NCKAP5: variants seen among roughly 807,000 people sequenced by gnomAD.
NCKAP5 encodes the protein NCK associated protein 5.
In NCKAP5, 92 loss-of-function variants were observed where a neutral mutation model predicts 167.0. The ratio of observed to expected loss-of-function variants is 0.55; its 90% CI spans 0.47 to 0.66. The LOEUF is 0.66. Ranked by LOEUF, NCKAP5 falls within the 30% of genes least tolerant of loss-of-function variation. NCKAP5 has a pLI of 0.00. For synonymous variants in NCKAP5, 891 were observed against 877.4 expected (o/e 1.02, Z -0.27); for missense variants, 2,378 against 2,315.0 (o/e 1.03, Z -0.56).
chr2:133,581,170 C>A, the NCKAP5 span, among the ~76,000 whole-genome samples: 1 of 152,172 alleles, frequency 6.6e-6, no homozygotes, highest in African/African-American at 2.4e-5. Flanking sequence ...CTGTTTCCAA[C>A]TCTACAATAT....
intron 6 of NCKAP5, among the ~76,000 whole-genome samples, chr2:133,072,076 C>A (rs970421565): frequency 3.6e-5 from 5 of 139,792 alleles, no homozygotes; most frequent in African/African-American, 6.0e-5. Flanking sequence ...TTTCATTTAT[C>A]CAGGCTTTTT....
chr2:133,212,935 A>C (rs6715953), intron 5 of NCKAP5, among the ~76,000 whole-genome samples: 72,824 of 151,984 alleles, frequency 0.48, 17,916 homozygotes, highest in Non-Finnish European at 0.53. Context: ...ATGGAAGCAG[A>C]CTTCAGGGTA....
intron 8 of NCKAP5, among the ~76,000 whole-genome samples, chr2:132,943,484 T>C (rs928111071): frequency 1.3e-5 from 2 of 152,240 alleles, no homozygotes; most frequent in African/African-American, 4.8e-5. Context: ...ATAACATAGA[T>C]GCAAAGAGCT....
chr2:133,450,391 A>G (rs1178670176), intron 3 of NCKAP5, among the ~76,000 whole-genome samples: 2 of 152,146 alleles, frequency 1.3e-5, no homozygotes, highest in East Asian at 1.9e-4. Context: ...GACCAGTCCA[A>G]TGCAGAGGAA....
At chr2:132,780,613 TAAATC>T (rs1034479736) in intron 15 of NCKAP5, among the ~76,000 whole-genome samples, 14 of 152,300 alleles carry the variant, frequency 9.2e-5, no homozygotes, top group Middle Eastern at 3.4e-3. Flanking sequence ...GAACAATGCT[TAAATC>T]AAATCATCAA....
chr2:133,062,374 C>T (rs2149520434), intron 6 of NCKAP5, among the ~76,000 whole-genome samples: 1 of 152,230 alleles, frequency 6.6e-6, no homozygotes, highest in East Asian at 1.9e-4. Flanking sequence ...TATGGTGAGT[C>T]ATTTAAGTGT....
At chr2:132,865,040 C>G (rs913732275) in intron 10 of NCKAP5, among the ~76,000 whole-genome samples, 1 of 152,026 alleles carries the variant, frequency 6.6e-6, no homozygotes. Flanking sequence ...TAATGGCCAC[C>G]AAAACCACCA....
intron 5 of NCKAP5, among the ~76,000 whole-genome samples, chr2:133,171,680 A>G (rs2084255831): frequency 6.6e-6 from 1 of 152,238 alleles, no homozygotes. Flanking sequence ...TCCCAGCTCC[A>G]GAAATATATG....
chr2:133,443,827 TTC>T (rs1691010154), intron 3 of NCKAP5, among the ~76,000 whole-genome samples: 1 of 152,208 alleles, frequency 6.6e-6, no homozygotes, highest in Admixed American at 6.5e-5. Flanking sequence ...TGGTGATCTT[TTC>T]TTTTACCTTC....
chr2:133,438,513 T>C (rs1366113833), intron 3 of NCKAP5, among the ~76,000 whole-genome samples: 1 of 152,192 alleles, frequency 6.6e-6, no homozygotes, highest in Non-Finnish European at 1.5e-5. Context: ...TACAGAGCTG[T>C]AGATAACTTC....
the NCKAP5 span, among the ~76,000 whole-genome samples, chr2:133,634,997 G>A: frequency 6.6e-6 from 1 of 151,838 alleles, no homozygotes; most frequent in African/African-American, 2.4e-5. Context: ...AGCCTCCCAA[G>A]TAGCTGGGAC....
chr2:133,550,465 T>A (rs1053230655), intron 2 of NCKAP5, among the ~76,000 whole-genome samples: 2 of 151,404 alleles, frequency 1.3e-5, no homozygotes, highest in African/African-American at 4.9e-5. Context: ...ATAAATGTAA[T>A]CCAGCATATA....
chr2:133,451,793 A>G (rs1394647631), intron 3 of NCKAP5, among the ~76,000 whole-genome samples: 2 of 152,202 alleles, frequency 1.3e-5, no homozygotes, highest in Non-Finnish European at 2.9e-5. Flanking sequence ...GGGCTAAGCC[A>G]TCTATATGGC....
At chr2:133,067,233 G>C (rs186472793) in intron 6 of NCKAP5, among the ~76,000 whole-genome samples, 1 of 152,238 alleles carries the variant, frequency 6.6e-6, no homozygotes, top group East Asian at 1.9e-4. Flanking sequence ...ATTGTTATAA[G>C]TGTTATTCTG....
intron 19 of NCKAP5, among the ~76,000 whole-genome samples, chr2:132,686,199 G>A (rs1309123073): frequency 1.3e-5 from 2 of 152,178 alleles, no homozygotes; most frequent in South Asian, 4.1e-4. Context: ...CATGCAGATA[G>A]TTATCAAGCA....
chr2:133,003,065 C>T (rs1351652881), intron 6 of NCKAP5, among the ~76,000 whole-genome samples: 1 of 152,154 alleles, frequency 6.6e-6, no homozygotes, highest in African/African-American at 2.4e-5. Flanking sequence ...TGCTTCAACT[C>T]AGCTAATTAG....
At chr2:132,796,781 T>C in intron 11 of NCKAP5, 52 bp from the exon 12 acceptor site, 1 of 1,266,028 alleles carries the variant, frequency 7.9e-7, no homozygotes. Flanking sequence ...ATTATTTGTC[T>C]CAAAATCCTG....
intron 4 of NCKAP5, among the ~76,000 whole-genome samples, chr2:133,268,662 T>G (rs1386087110): frequency 6.6e-6 from 1 of 152,074 alleles, no homozygotes; most frequent in Non-Finnish European, 1.5e-5. Flanking sequence ...TTTTGTATTT[T>G]TAGTAGAGAC....
At chr2:133,363,502 T>C (rs1239472352) in intron 3 of NCKAP5, among the ~76,000 whole-genome samples, 2 of 152,246 alleles carry the variant, frequency 1.3e-5, no homozygotes, top group African/African-American at 4.8e-5. Flanking sequence ...TTCATAACTT[T>C]ACTTATACTC....
Sources: gnomAD v4.1 joint callset for allele counts (sites outside exome capture counted in the v4.1 genomes callset) on GRCh38, gnomAD v4.1.1 for gene constraint, MANE v1.5 for transcripts, NCBI Gene and HGNC (gene_info 2026-07-23, HGNC 2026-07-21) for gene names.